The following MORN1 variants were observed in gnomAD, a reference collection of about 807,000 sequenced individuals.
MORN1 encodes MORN repeat containing 1.
In MORN1, 67 loss-of-function variants were observed where a neutral mutation model predicts 61.9. That is an observed-to-expected ratio of 1.08 (90% confidence interval 0.89 to 1.33). The LOEUF (loss-of-function observed/expected upper bound fraction) is 1.33. Among genes scored for constraint, MORN1 ranks in the 40% most tolerant of loss-of-function variants. The pLI, the probability that MORN1 is intolerant of heterozygous loss-of-function variation, is 0.00. For synonymous variants in MORN1, 301 were observed against 292.0 expected (o/e 1.03, Z -0.31); for missense variants, 752 against 691.2 (o/e 1.09, Z -0.99).
chr1:2,331,852 G>A lies in MORN1; in HGVS notation c.1250+4617C>T, dbSNP rs566390213. Among the ~76,000 whole-genome samples the A allele has an allele frequency of 4.0e-5, 4 of 99,280 alleles. No homozygotes were observed. In the East Asian group the frequency reaches 9.5e-4, roughly 24 times the overall value. 65.1% of individuals were successfully genotyped at this position (99,280 alleles called of 152,430 possible). ...CGCCTCTCCCTCGTGCGGCTCTCCC[G>A]CCCCTGCGCCTCTCCCTCGTGCGCC... On this transcript the variant is annotated intron_variant, in intron 12 of 13. Coordinates refer to ENST00000378531, the MANE Select transcript of MORN1 (RefSeq NM_024848.3).
chr1:2,379,504 A>G (rs1035785735), intron 6 of MORN1, among the ~76,000 whole-genome samples: 1 of 152,112 alleles, frequency 6.6e-6, no homozygotes, highest in African/African-American at 2.4e-5. Flanking sequence ...CCTGTGCACA[A>G]AGGCACTCCA....
chr1:2,354,879 CTG>C (rs1367415925), intron 10 of MORN1, among the ~76,000 whole-genome samples: 8 of 152,244 alleles, frequency 5.3e-5, no homozygotes, highest in Non-Finnish European at 1.2e-4. Context: ...CTCCAAATGT[CTG>C]TGGTTCAAGC....
chr1:2,338,008 G>C (rs1325238467), intron 10 of MORN1, among the ~76,000 whole-genome samples: 3 of 152,134 alleles, frequency 2.0e-5, no homozygotes, highest in African/African-American at 4.8e-5. Flanking sequence ...GGTCTGTTTG[G>C]GCTCAGCTTC....
At chr1:2,324,071 G>T in intron 13 of MORN1, 26 bp downstream of exon 13, 1 of 1,585,592 alleles carries the variant, frequency 6.3e-7, no homozygotes. Context: ...CACAGCCGGC[G>T]ATGGACTTGG....
chr1:2,339,521 C>T (rs1036949594), intron 10 of MORN1, among the ~76,000 whole-genome samples: 1 of 152,194 alleles, frequency 6.6e-6, no homozygotes, highest in South Asian at 2.1e-4. Flanking sequence ...GCCCCTGCAC[C>T]ATATCCTGTG....
At chr1:2,363,806 A>AAACAAAC (rs1553217337) in intron 8 of MORN1, among the ~76,000 whole-genome samples, 16,443 of 69,612 alleles carry the variant, frequency 0.24, 1,265 homozygotes, top group Admixed American at 0.34. Flanking sequence ...ACAAACAAAC[A>AAACAAAC]AAAAAATATA....
intron 12 of MORN1, among the ~76,000 whole-genome samples, chr1:2,327,697 A>T (rs1641066628): frequency 6.6e-6 from 1 of 152,178 alleles, no homozygotes; most frequent in Non-Finnish European, 1.5e-5. Flanking sequence ...GCACAGGGGG[A>T]GGGCCACGAG....
At chr1:2,390,346 C>T in intron 1 of MORN1, 1 of 900,910 alleles carries the variant, frequency 1.1e-6, no homozygotes, top group Non-Finnish European at 1.3e-6. Flanking sequence ...GATGAGTGAG[C>T]CAGGGGAAGG....
At chr1:2,351,755 G>A (rs1369431184) in intron 10 of MORN1, 1 of 556,008 alleles carries the variant, frequency 1.8e-6, no homozygotes, top group East Asian at 4.8e-5. Context: ...TCATATGCTT[G>A]TCAAAAGCCT....
chr1:2,357,121 G>C lies in MORN1; in HGVS notation c.1036+311C>G, dbSNP rs1438257283. ...CGTGTCCAGGCTGGCCACTGGCCTC[G>C]AGGCCTGGGTGAGTCTGCTGCCCTC... On this transcript the variant is annotated intron_variant, in intron 10 of 13. Coordinates refer to ENST00000378531, the MANE Select transcript of MORN1 (RefSeq NM_024848.3). This position sits in a 1 kb window ranked among gnomAD's most constrained non-coding sequence, Gnocchi z 6.3. 7.2e-5 allele frequency among the ~76,000 whole-genome samples: 11 copies of C among 152,148 alleles called. No homozygotes were observed. Among genetic ancestry groups the C allele is most frequent in the Admixed American group, 2.0e-4 (3 of 15,286 alleles).
chr1:2,384,287 C>T (rs1385308726), intron 6 of MORN1, among the ~76,000 whole-genome samples: 1 of 152,176 alleles, frequency 6.6e-6, no homozygotes, highest in African/African-American at 2.4e-5. Flanking sequence ...AACCTGTCAA[C>T]AAGTCTGGTG....
At chr1:2,385,608 G>A (rs1005894580) in intron 5 of MORN1, 199 bp downstream of exon 5, 5 of 501,384 alleles carry the variant, frequency 1.0e-5, no homozygotes, top group Non-Finnish European at 1.4e-5. Flanking sequence ...TAAACAAGGG[G>A]AAAATTACAG....
rs564273551 is a variant in MORN1, at chr1:2,332,451, CT to C, written c.1250+4017del. The C allele has an allele frequency of 4.7e-4, 172 of 363,684 alleles. 3 individuals are homozygous for C. Among genetic ancestry groups the C allele is most frequent in the South Asian group, 3.5e-3 (171 of 49,278 alleles). 22.5% of individuals were successfully genotyped at this position (363,684 alleles called of 1,614,324 possible). A position where few individuals can be genotyped will look rare whatever the true frequency, so the allele number is the denominator to read the frequency against. On this transcript the variant is annotated intron_variant, in intron 12 of 13. Transcript: ENST00000378531. ...GTTCTTCCAGTGGGATGGGCGACCC[CT>C]GGCCCCGGACTCACTGCTTCTCCCA...
At chr1:2,370,720 G>A (rs1160444286) in intron 8 of MORN1, among the ~76,000 whole-genome samples, 1 of 149,260 alleles carries the variant, frequency 6.7e-6, no homozygotes, top group Non-Finnish European at 1.5e-5. Context: ...CTGTCACCCA[G>A]GCTAGAGTGT....
chr1:2,364,178 A>C (rs1641954005), intron 8 of MORN1, among the ~76,000 whole-genome samples: 1 of 152,214 alleles, frequency 6.6e-6, no homozygotes, highest in African/African-American at 2.4e-5. Context: ...AAGTAGATGT[A>C]AGAGTAAGGG....
At chr1:2,323,801 AGTCCCC>A (rs1640936191) in intron 13 of MORN1, 1 of 985,090 alleles carries the variant, frequency 1.0e-6, no homozygotes, top group South Asian at 4.7e-5. Context: ...AAGGCCTCCG[AGTCCCC>A]GTGCTCCCTG....
At chr1:2,382,099 CTAGGCTGGGAGTGGGGG>C (rs1428752321) in intron 6 of MORN1, among the ~76,000 whole-genome samples, 1 of 152,212 alleles carries the variant, frequency 6.6e-6, no homozygotes, top group East Asian at 1.9e-4. Flanking sequence ...GGGGACAGGG[CTAGGCTGGGAGTGGGGG>C]TGGGGAGGAC....
chr1:2,367,385 T>C (rs1293830364), intron 8 of MORN1, among the ~76,000 whole-genome samples: 2 of 149,980 alleles, frequency 1.3e-5, no homozygotes, highest in Non-Finnish European at 3.0e-5. Context: ...TTTGGGAGAC[T>C]GAGGTGGGAG....
At chr1:2,342,681 C>T (rs1410922843) in intron 10 of MORN1, among the ~76,000 whole-genome samples, 1 of 152,082 alleles carries the variant, frequency 6.6e-6, no homozygotes, top group Non-Finnish European at 1.5e-5. Flanking sequence ...AGACATGGCT[C>T]TGCTGACCCA....
Sources: gnomAD v4.1 joint callset for allele counts (sites outside exome capture counted in the v4.1 genomes callset) on GRCh38, gnomAD v4.1.1 for gene constraint, Gnocchi (gnomAD v3.1) non-coding constraint, MANE v1.5 for transcripts, NCBI Gene and HGNC (gene_info 2026-07-23, HGNC 2026-07-21) for gene names.